The following TLN2 variants were observed in gnomAD, a reference collection of about 807,000 sequenced individuals.
TLN2 encodes talin-2.
Under a neutral mutation model 294.7 loss-of-function variants are expected in TLN2, and 118 were observed. The ratio of observed to expected loss-of-function variants is 0.40; its 90% CI spans 0.34 to 0.47. The LOEUF (loss-of-function observed/expected upper bound fraction) is 0.47, where lower values mean the gene tolerates loss of function less well. Ranked by LOEUF, TLN2 falls within the 20% of genes least tolerant of loss-of-function variation. The probability of loss-of-function intolerance (pLI) is 0.84; values close to 1 mark genes in which losing one functional copy is unlikely to be tolerated. For synonymous variants in TLN2, 1,431 were observed against 1,304.5 expected (o/e 1.10, Z -2.09); for missense variants, 3,083 against 3,282.2 (o/e 0.94, Z 1.48).
chr15:62,656,838 T>C (rs557619371), intron 8 of TLN2, among the ~76,000 whole-genome samples: 1 of 152,254 alleles, frequency 6.6e-6, no homozygotes, highest in East Asian at 1.9e-4. Flanking sequence ...CCCTTGAGGG[T>C]TATGTAATTG....
chr15:62,695,887 A>G (rs1323091421), intron 14 of TLN2, among the ~76,000 whole-genome samples: 1 of 152,186 alleles, frequency 6.6e-6, no homozygotes. Flanking sequence ...GGAGCGGCCC[A>G]GTAAGTGTCT....
At chr15:62,523,109 A>G (rs1331204671) in intron 1 of TLN2, among the ~76,000 whole-genome samples, 1 of 152,204 alleles carries the variant, frequency 6.6e-6, no homozygotes, top group East Asian at 1.9e-4. Flanking sequence ...ATATGCTTAA[A>G]TATGCCAAAT....
chr15:62,844,163 C>G lies in TLN2; in HGVS notation c.*3553C>G, dbSNP rs2070979392. 1 of 152,142 alleles carries G rather than the reference C, an allele frequency of 6.6e-6. No individual in the cohort carries two copies. Among genetic ancestry groups the G allele is most frequent in the Non-Finnish European group, 1.5e-5 (1 of 68,068 alleles). 9.4% of individuals were successfully genotyped at this position (152,142 alleles called of 1,614,324 possible). On this transcript the variant is annotated 3_prime_UTR_variant, in exon 59 of 59. Transcript: ENST00000636159. ...TAGTGGCTCTGGTCCTATCTCTCCA[C>G]AGTGCTGGCCTCTGCTGGGGAAGGC...
chr15:62,660,282 G>A (rs1045334308), intron 9 of TLN2, among the ~76,000 whole-genome samples: 1 of 152,146 alleles, frequency 6.6e-6, no homozygotes, highest in Non-Finnish European at 1.5e-5. Flanking sequence ...GTGATTTCTG[G>A]ATTTGTTACT....
intron 1 of TLN2, among the ~76,000 whole-genome samples, chr15:62,493,482 A>G (rs2038856121): frequency 6.6e-6 from 1 of 152,052 alleles, no homozygotes; most frequent in East Asian, 1.9e-4. Context: ...AATTGAGTAT[A>G]GGATGGGTTT....
chr15:62,470,561 C>G (rs906554487), intron 1 of TLN2, among the ~76,000 whole-genome samples: 4 of 152,230 alleles, frequency 2.6e-5, no homozygotes, highest in African/African-American at 9.6e-5. Flanking sequence ...GCCACAGGCT[C>G]CAGGCCTCCT....
chr15:62,459,154 C>T (rs543221037), intron 1 of TLN2, among the ~76,000 whole-genome samples: 1 of 152,214 alleles, frequency 6.6e-6, no homozygotes, highest in African/African-American at 2.4e-5. Context: ...GTTCCTGCCA[C>T]CAAGCCTGGC....
chr15:62,452,141 G>A (rs1052866959), intron 1 of TLN2, among the ~76,000 whole-genome samples: 8 of 73,730 alleles, frequency 1.1e-4, no homozygotes, highest in Non-Finnish European at 2.3e-4. Flanking sequence ...CCCTTGGGAC[G>A]CACCAAGGGT....
chr15:62,644,759 G>C, intron 3 of TLN2: 1 of 362,410 alleles, frequency 2.8e-6, no homozygotes, highest in Non-Finnish European at 5.4e-6. Context: ...CTGAGCTCCA[G>C]TGTTAGGTCC....
intron 44 of TLN2, among the ~76,000 whole-genome samples, chr15:62,781,764 T>G (rs1434648011): frequency 6.6e-6 from 1 of 152,158 alleles, no homozygotes; most frequent in African/African-American, 2.4e-5. Flanking sequence ...AAAAAAAAAT[T>G]CCGACAGTAG....
intron 28 of TLN2, among the ~76,000 whole-genome samples, chr15:62,734,690 G>A (rs1320510228): frequency 6.6e-6 from 1 of 152,214 alleles, no homozygotes; most frequent in Non-Finnish European, 1.5e-5. Flanking sequence ...ACTCAGAAGT[G>A]CCATGGGATA....
intron 1 of TLN2, among the ~76,000 whole-genome samples, chr15:62,447,838 C>A (rs2035905092): frequency 6.6e-6 from 1 of 152,168 alleles, no homozygotes; most frequent in Admixed American, 6.5e-5. Flanking sequence ...TCGGCCCCGC[C>A]CCACTCACTC....
chr15:62,701,083 TGTGCC>T lies in TLN2; in HGVS notation c.1588-20_1588-16del. ...GGGTAATTCTGTGCTGTGATTGTGT[TGTGCC>T]GTTGTCTGGCTTTGCAGGCATCTAG... is the stretch of plus-strand genomic sequence containing the variant. On this transcript the variant is annotated intron_variant, in intron 16 of 58. Coordinates refer to ENST00000636159, the MANE Select transcript of TLN2 (RefSeq NM_015059.3). 1 of 1,602,428 alleles carries T rather than the reference TGTGCC, an allele frequency of 6.2e-7. No individual in the cohort carries two copies.
chr15:62,592,413 T>C (rs2046150621), intron 2 of TLN2, among the ~76,000 whole-genome samples: 1 of 152,242 alleles, frequency 6.6e-6, no homozygotes, highest in South Asian at 2.1e-4. Flanking sequence ...GCTGCCTAAT[T>C]GGTATGCTTC....
intron 50 of TLN2, among the ~76,000 whole-genome samples, chr15:62,802,922 A>G (rs1460910391): frequency 1.3e-5 from 2 of 152,074 alleles, no homozygotes; most frequent in African/African-American, 2.4e-5. Flanking sequence ...TTTGATTATT[A>G]TATTTTTTCC....
chr15:62,477,355 G>A (rs981250591), intron 1 of TLN2, among the ~76,000 whole-genome samples: 1 of 152,206 alleles, frequency 6.6e-6, no homozygotes. Flanking sequence ...GTCCTGGAGT[G>A]TGACTCTTGC....
Position 62,840,494 on chromosome 15 carries a change from C to G in TLN2, c.7513C>G (p.Gln2505Glu). The stretch of plus-strand genomic sequence containing the variant: ...GCTTTCTTTCTAGATCATCGCCGCC[C>G]AGGAAGAAATGCTAAAGAAAGAGCG... The part of the protein sequence containing the change: ...VGGIAQIIAA[Q>E]EEMLKKEREL... The change falls in exon 59 of 59, where the codon CAG (glutamine) becomes GAG (glutamate). Residue 2505 changes from glutamine (Q) to glutamate (E), a missense_variant. Physicochemically the swap from Gln to Glu is conservative, Grantham distance 29. Transcript: ENST00000636159. The G allele has an allele frequency of 6.2e-7, 1 of 1,614,080 alleles. No homozygotes were observed. The highest frequency in any genetic ancestry group is 8.5e-7 in the Non-Finnish European group (1 of 1,180,008).
intron 52 of TLN2, among the ~76,000 whole-genome samples, chr15:62,816,997 G>A (rs1000962977): frequency 6.6e-6 from 1 of 152,094 alleles, no homozygotes; most frequent in Non-Finnish European, 1.5e-5. Context: ...CACACCAGAA[G>A]AATTTTATCA....
Position 62,445,651 on chromosome 15 carries a change from AT to A in TLN2, c.-238+54979del, listed in dbSNP as rs113621851. Among the ~76,000 whole-genome samples, 497 of 147,110 alleles carry A rather than the reference AT, an allele frequency of 3.4e-3. 4 individuals are homozygous for A. Among genetic ancestry groups the A allele is most frequent in the African/African-American group, 8.3e-3 (336 of 40,468 alleles). ...TACAAATTACAGATGTCAGTATTAG[AT>A]TTTTTTTTTTTTGAGGGTGGGTGTT... is the stretch of plus-strand genomic sequence containing the variant. On this transcript the variant is annotated intron_variant, in intron 1 of 58. Coordinates refer to ENST00000636159, the MANE Select transcript of TLN2 (RefSeq NM_015059.3).
Sources: allele counts gnomAD v4.1 joint callset (sites outside exome capture counted in the v4.1 genomes callset), GRCh38; gene constraint gnomAD v4.1.1; transcripts MANE v1.5; gene names NCBI Gene and HGNC (gene_info 2026-07-23, HGNC 2026-07-21).